Variants in FAM135A observed in about 807,000 individuals in gnomAD.
The protein encoded by FAM135A is protein FAM135A.
Under a neutral mutation model 146.8 loss-of-function variants are expected in FAM135A, and 79 were observed. The ratio of observed to expected loss-of-function variants is 0.54; its 90% confidence interval spans 0.45 to 0.65. FAM135A has a LOEUF of 0.65. FAM135A is among the 30% of genes least tolerant of loss of function. The probability of loss-of-function intolerance (pLI) is 0.00; values close to 1 mark genes in which losing one functional copy is unlikely to be tolerated. For missense variants in FAM135A, 1,623 were observed against 1,758.2 expected, an observed-to-expected ratio of 0.92 and a Z score of 1.38; for synonymous variants, 562 against 603.6, an observed-to-expected ratio of 0.93 and a Z score of 1.01.
intron 5 of FAM135A, among the ~76,000 whole-genome samples, chr6:70,463,565 C>T (rs963678607): frequency 2.6e-5 from 4 of 152,050 alleles, no homozygotes; most frequent in African/African-American, 9.7e-5. Flanking sequence ...TGGCCCATAG[C>T]ATTTTCTATG....
chr6:70,419,373 A>G (rs1353504041), intron 2 of FAM135A, among the ~76,000 whole-genome samples: 4 of 151,888 alleles, frequency 2.6e-5, no homozygotes, highest in African/African-American at 9.7e-5. Context: ...GAGCCGAGAT[A>G]GCGCCACTGC....
chr6:70,467,923 A>T (rs1780789908), intron 5 of FAM135A, among the ~76,000 whole-genome samples: 1 of 152,136 alleles, frequency 6.6e-6, no homozygotes, highest in Non-Finnish European at 1.5e-5. Flanking sequence ...TAACTTAAAC[A>T]TGTTAAAAGT....
Position 70,499,201 on chromosome 6 carries a change from T to A in FAM135A, c.874-3435T>A, listed in dbSNP as rs549953208. 2.2e-4 allele frequency among the ~76,000 whole-genome samples: 34 copies of A among 152,346 alleles called. 1 individual carries two copies. In the East Asian group the frequency reaches 6.0e-3, roughly 27 times the overall value. On this transcript the variant is annotated intron_variant, in intron 11 of 21. Coordinates refer to ENST00000418814, the MANE Select transcript of FAM135A (RefSeq NM_001162529.3). ...TATTTAGGATAGTTAGCTCTTCTTG[T>A]TGAATTGATCCCTTTACCATTATGT... is the stretch of plus-strand genomic sequence containing the variant.
intron 20 of FAM135A, among the ~76,000 whole-genome samples, chr6:70,550,985 T>C (rs2128483863): frequency 6.6e-6 from 1 of 152,336 alleles, no homozygotes; most frequent in South Asian, 2.1e-4. Context: ...CTTCCAGCTG[T>C]TCTGTGCAGC....
intron 4 of FAM135A, among the ~76,000 whole-genome samples, chr6:70,447,685 C>A (rs935188268): frequency 6.6e-6 from 1 of 152,214 alleles, no homozygotes; most frequent in Admixed American, 6.5e-5. Flanking sequence ...TTCCCGAAAT[C>A]GGGTTCCCAT....
chr6:70,415,085 T>C (rs546749842), intron 1 of FAM135A, among the ~76,000 whole-genome samples: 4 of 152,226 alleles, frequency 2.6e-5, no homozygotes, highest in Non-Finnish European at 2.9e-5. Context: ...ATTAGTGTGC[T>C]TATAGGAGAC....
intron 10 of FAM135A, among the ~76,000 whole-genome samples, chr6:70,488,291 C>T (rs566294482): frequency 1.3e-5 from 2 of 152,052 alleles, no homozygotes; most frequent in East Asian, 3.9e-4. Context: ...TGCTAGGTAC[C>T]AGAATACTGT....
chr6:70,425,493 T>G (rs1305806648), intron 2 of FAM135A, among the ~76,000 whole-genome samples: 1 of 152,190 alleles, frequency 6.6e-6, no homozygotes, highest in East Asian at 1.9e-4. Flanking sequence ...ATAGCAGTTA[T>G]GGGAGCTGGT....
At chr6:70,469,608 A>G (rs191420743) in intron 5 of FAM135A, among the ~76,000 whole-genome samples, 139 of 152,308 alleles carry the variant, frequency 9.1e-4, no homozygotes, top group African/African-American at 3.1e-3. Flanking sequence ...AATAAAGTTC[A>G]CAGATCTAGT....
At chr6:70,542,333 T>C (rs79377561) in intron 20 of FAM135A, among the ~76,000 whole-genome samples, 1,591 of 152,120 alleles carry the variant, frequency 0.01, 31 homozygotes, top group African/African-American at 0.036. Context: ...TTCTCATGCT[T>C]TTTGTATCAC....
chr6:70,427,512 A>G (rs1770448781), intron 3 of FAM135A, among the ~76,000 whole-genome samples: 1 of 151,298 alleles, frequency 6.6e-6, no homozygotes, highest in Admixed American at 6.6e-5. Context: ...AGCCTGGGTG[A>G]CAGAGCGAGA....
chr6:70,449,237 A>G (rs1008139987), intron 4 of FAM135A, among the ~76,000 whole-genome samples: 1 of 151,524 alleles, frequency 6.6e-6, no homozygotes, highest in Non-Finnish European at 1.5e-5. Context: ...CACCTCACCT[A>G]CTTTTTTTTT....
intron 5 of FAM135A, among the ~76,000 whole-genome samples, chr6:70,463,762 C>T (rs558750003): frequency 1.1e-4 from 16 of 152,254 alleles, no homozygotes; most frequent in African/African-American, 3.4e-4. Context: ...ATCTCAACAG[C>T]CATAAATGGA....
In FAM135A at chr6:70,524,016, T is replaced by G; in HGVS notation, c.1153T>G (p.Cys385Gly). 1 of 1,613,172 alleles carries G rather than the reference T, an allele frequency of 6.2e-7. No homozygotes were observed. The highest frequency in any genetic ancestry group is 2.2e-5 in the East Asian group (1 of 44,822). ...MCTAIKNTSF[C>G]SSLPPLPIEC... ...CACCGCTATCAAAAATACTTCCTTCTGCAGTTCTCTTCCACCCTTACCTAT... is the reference window on the plus strand; with the variant it reads ...CACCGCTATCAAAAATACTTCCTTCGGCAGTTCTCTTCCACCCTTACCTAT... Residue 385 changes from cysteine (C) to glycine (G), a missense_variant, in exon 14 of 22, where the codon TGC (cysteine) becomes GGC (glycine). Around this residue, in one of 7 missense-constraint regions of FAM135A, gnomAD observed 1,061 missense variants for 1,113.8 expected, o/e 0.95. Coordinates refer to ENST00000418814, the MANE Select transcript of FAM135A (RefSeq NM_001162529.3).
chr6:70,531,246 C>T (rs1373254736), intron 16 of FAM135A, among the ~76,000 whole-genome samples: 1 of 152,170 alleles, frequency 6.6e-6, no homozygotes, highest in Non-Finnish European at 1.5e-5. Context: ...CTTGAGCATT[C>T]CAAAACACTG....
intron 16 of FAM135A, among the ~76,000 whole-genome samples, chr6:70,528,784 G>C (rs1254884310): frequency 1.3e-5 from 2 of 151,910 alleles, no homozygotes; most frequent in African/African-American, 4.8e-5. Context: ...ACGTGCCATG[G>C]TGGTTTGCTG....
intron 19 of FAM135A, among the ~76,000 whole-genome samples, chr6:70,537,239 T>A (rs1198797785): frequency 6.6e-6 from 1 of 152,158 alleles, no homozygotes; most frequent in Admixed American, 6.5e-5. Flanking sequence ...TGGCCTTGAT[T>A]TGCCTTTTGT....
chr6:70,447,558 T>C (rs893684920), intron 4 of FAM135A, among the ~76,000 whole-genome samples: 1 of 152,156 alleles, frequency 6.6e-6, no homozygotes, highest in Non-Finnish European at 1.5e-5. Context: ...GCAGCATAAA[T>C]CTACTGGGGC....
At chr6:70,431,367 G>C (rs1771565406) in intron 4 of FAM135A, among the ~76,000 whole-genome samples, 1 of 152,160 alleles carries the variant, frequency 6.6e-6, no homozygotes, top group Non-Finnish European at 1.5e-5. Flanking sequence ...AGATTGGCCG[G>C]GCACTAGCTG....
Sources: allele counts gnomAD v4.1 joint callset (sites outside exome capture counted in the v4.1 genomes callset), GRCh38; gene constraint gnomAD v4.1.1; regional missense constraint gnomAD v4.1.1; transcripts MANE v1.5; gene names NCBI Gene and HGNC (gene_info 2026-07-23, HGNC 2026-07-21).